The following INPP4B variants were observed in gnomAD, a reference collection of about 807,000 sequenced individuals.
INPP4B encodes the protein inositol polyphosphate 4-phosphatase type II.
A neutral mutation model predicts 122.5 loss-of-function variants in INPP4B; 55 were observed. The observed-to-expected ratio is 0.45, with a 90% CI of 0.36 to 0.56. The LOEUF (loss-of-function observed/expected upper bound fraction) is 0.56. Among genes scored for constraint, INPP4B ranks in the 20% least tolerant of loss-of-function variants. The pLI, the probability that INPP4B is intolerant of heterozygous loss-of-function variation, is 0.00. For missense variants in INPP4B, 1,000 were observed against 1,097.7 expected (o/e 0.91, Z 1.26); for synonymous variants, 403 against 388.7 (o/e 1.04, Z -0.43).
intron 1 of INPP4B, among the ~76,000 whole-genome samples, chr4:142,800,417 CA>C (rs1777855779): frequency 6.6e-6 from 1 of 152,092 alleles, no homozygotes; most frequent in South Asian, 2.1e-4. Context: ...TTTGCTTTAA[CA>C]AATCATGTTT....
intron 1 of INPP4B, among the ~76,000 whole-genome samples, chr4:142,747,238 A>G (rs1768898015): frequency 6.6e-6 from 1 of 152,204 alleles, no homozygotes; most frequent in Admixed American, 6.5e-5. Context: ...TTCTCAAAAG[A>G]AAATATTTAT....
intron 7 of INPP4B, among the ~76,000 whole-genome samples, chr4:142,320,182 T>C (rs1338729856): frequency 6.6e-6 from 1 of 152,220 alleles, no homozygotes; most frequent in Non-Finnish European, 1.5e-5. Context: ...ACAGAGAATC[T>C]CCTTGGCATC....
At chr4:142,765,684 A>G (rs1290487304) in intron 1 of INPP4B, among the ~76,000 whole-genome samples, 4 of 152,204 alleles carry the variant, frequency 2.6e-5, no homozygotes, top group African/African-American at 9.6e-5. Flanking sequence ...TCTAAGGGAG[A>G]TATCGGTTAA....
chr4:142,318,443 G>A lies in INPP4B; in HGVS notation c.373-3681C>T, dbSNP rs188937855. ...AGCATTTGGAATATTCTGGTTCACCGACAATGTCATGCCTCCTGAGAATTT... is the reference window on the plus strand; with the variant it reads ...AGCATTTGGAATATTCTGGTTCACCAACAATGTCATGCCTCCTGAGAATTT... On this transcript the variant is annotated intron_variant, in intron 7 of 25. Coordinates refer to ENST00000262992, the MANE Select transcript of INPP4B (RefSeq NM_001101669.3). 5.1e-4 allele frequency among the ~76,000 whole-genome samples: 77 copies of A among 152,198 alleles called. No individual in the cohort carries two copies. In the East Asian group the frequency reaches 8.1e-3, roughly 16 times the overall value.
chr4:142,175,623 G>A (rs1304039207), intron 15 of INPP4B, among the ~76,000 whole-genome samples: 4 of 149,998 alleles, frequency 2.7e-5, no homozygotes, highest in African/African-American at 2.5e-5. Flanking sequence ...TAAAGTAAAT[G>A]AAAAAAAAAA....
Position 142,257,955 on chromosome 4 carries a change from C to A in INPP4B, c.688+2537G>T, listed in dbSNP as rs541335158. ...TCGCACTACCTGACTTCAGACTATACTACAAGGCTACAGTAACCAAAACAG... is the reference window on the plus strand; with the variant it reads ...TCGCACTACCTGACTTCAGACTATAATACAAGGCTACAGTAACCAAAACAG... On this transcript the variant is annotated intron_variant, in intron 11 of 25. Coordinates refer to ENST00000262992, the MANE Select transcript of INPP4B (RefSeq NM_001101669.3). 2.4e-3 allele frequency among the ~76,000 whole-genome samples: 359 copies of A among 152,274 alleles called. 1 individual carries two copies. Among genetic ancestry groups the A allele is most frequent in the African/African-American group, 7.9e-3 (329 of 41,540 alleles).
intron 2 of INPP4B, among the ~76,000 whole-genome samples, chr4:142,626,575 G>A (rs1048715371): frequency 1.7e-4 from 26 of 151,960 alleles, no homozygotes; most frequent in African/African-American, 5.1e-4. Flanking sequence ...TTCCATGTAC[G>A]AATTAAACTC....
At chr4:142,796,120 A>G (rs1360704138) in intron 1 of INPP4B, among the ~76,000 whole-genome samples, 2 of 152,030 alleles carry the variant, frequency 1.3e-5, no homozygotes, top group African/African-American at 4.8e-5. Context: ...GAAGATAATC[A>G]TCGTTCTACA....
At chr4:142,774,875 T>C (rs931853844) in intron 1 of INPP4B, among the ~76,000 whole-genome samples, 8 of 152,074 alleles carry the variant, frequency 5.3e-5, no homozygotes, top group Non-Finnish European at 8.8e-5. Flanking sequence ...TGATATAATA[T>C]ATTAACTAAA....
At chr4:142,646,572 T>C (rs1308254801) in intron 2 of INPP4B, among the ~76,000 whole-genome samples, 1 of 152,200 alleles carries the variant, frequency 6.6e-6, no homozygotes, top group African/African-American at 2.4e-5. Flanking sequence ...TTCAGACATG[T>C]CAGAATTCAA....
rs780673117 is a variant in INPP4B, at chr4:142,030,286, C to T, written c.2643-1372G>A. ...TCAGGATCATCGGATTCATTCAGTGCTCCCTGGGTTTGTCTGCTGTTAAAT... is the reference window on the plus strand; with the variant it reads ...TCAGGATCATCGGATTCATTCAGTGTTCCCTGGGTTTGTCTGCTGTTAAAT... On this transcript the variant is annotated intron_variant, in intron 25 of 25. Transcript: ENST00000262992. The T allele has an allele frequency of 1.9e-5, 29 of 1,535,114 alleles. No homozygotes were observed. The East Asian group carries it at 6.4e-4, about 34-fold the overall frequency.
At chr4:142,248,528 G>T (rs747577816) in intron 11 of INPP4B, among the ~76,000 whole-genome samples, 1 of 151,636 alleles carries the variant, frequency 6.6e-6, no homozygotes, top group Non-Finnish European at 1.5e-5. Flanking sequence ...TAGTAGAGAC[G>T]GGGTTTCACC....
At chr4:142,640,779 A>C (rs570246484) in intron 2 of INPP4B, among the ~76,000 whole-genome samples, 1 of 148,756 alleles carries the variant, frequency 6.7e-6, no homozygotes, top group South Asian at 2.1e-4. Context: ...AAGCATTTTC[A>C]AAAAAAAAAG....
intron 2 of INPP4B, among the ~76,000 whole-genome samples, chr4:142,684,711 A>G (rs2150697022): frequency 6.6e-6 from 1 of 152,200 alleles, no homozygotes; most frequent in Non-Finnish European, 1.5e-5. Context: ...ATTATTTTTG[A>G]AAAGGTATCC....
chr4:142,246,040 G>T lies in INPP4B; in HGVS notation c.689-8029C>A, dbSNP rs1356362663. Among the ~76,000 whole-genome samples the T allele has an allele frequency of 2.7e-5, 3 of 112,250 alleles. 1 individual carries two copies. Among genetic ancestry groups the T allele is most frequent in the African/African-American group, 1.0e-4 (3 of 29,620 alleles). The allele number at this position is 112,250 out of a possible 152,430, so 73.6% of individuals were successfully genotyped here. A position where few individuals can be genotyped will look rare whatever the true frequency, so the allele number is the denominator to read the frequency against. On this transcript the variant is annotated intron_variant, in intron 11 of 25. Coordinates refer to ENST00000262992, the MANE Select transcript of INPP4B (RefSeq NM_001101669.3). ...TGTGTGTATGTACACACACGTGTGTGTATACACACATTATATATATGTGTG... is the reference window on the plus strand; with the variant it reads ...TGTGTGTATGTACACACACGTGTGTTTATACACACATTATATATATGTGTG...
At chr4:142,802,793 A>G (rs1778172995) in intron 1 of INPP4B, among the ~76,000 whole-genome samples, 2 of 151,396 alleles carry the variant, frequency 1.3e-5, no homozygotes, top group African/African-American at 4.9e-5. Context: ...AATGATAATA[A>G]TTTTAAAAGT....
At chr4:142,466,486 C>T (rs1191694172) in intron 2 of INPP4B, among the ~76,000 whole-genome samples, 3 of 152,222 alleles carry the variant, frequency 2.0e-5, no homozygotes, top group Admixed American at 2.0e-4. Flanking sequence ...AAATCAGATA[C>T]AAGGCAAATA....
At chr4:142,721,570 C>G (rs1355882249) in intron 2 of INPP4B, among the ~76,000 whole-genome samples, 1 of 152,188 alleles carries the variant, frequency 6.6e-6, no homozygotes, top group African/African-American at 2.4e-5. Flanking sequence ...CGCCTGTAAT[C>G]CCAGCACTTT....
At chr4:142,670,947 AAG>A (rs1376180668) in intron 2 of INPP4B, among the ~76,000 whole-genome samples, 4 of 152,186 alleles carry the variant, frequency 2.6e-5, no homozygotes, top group Admixed American at 1.3e-4. Context: ...TTTTTAAAGA[AAG>A]AGGGGAAGCT....
Sources: gnomAD v4.1 joint callset for allele counts (sites outside exome capture counted in the v4.1 genomes callset) on GRCh38, gnomAD v4.1.1 for gene constraint, MANE v1.5 for transcripts, NCBI Gene and HGNC (gene_info 2026-07-23, HGNC 2026-07-21) for gene names.